The following PCDHGA3 variants were observed in gnomAD, a reference collection of about 807,000 sequenced individuals.
PCDHGA3 encodes the protein protocadherin gamma subfamily A, 3, also known as protocadherin gamma-A3.
PCDHGA3 carries 40 observed loss-of-function variants against 58.5 expected under a neutral mutation model. That is an observed-to-expected ratio of 0.68 (90% CI 0.53 to 0.89). PCDHGA3 has a LOEUF of 0.89. PCDHGA3 is among the 40% of genes least tolerant of loss of function. The pLI, the probability that PCDHGA3 is intolerant of heterozygous loss-of-function variation, is 0.00. For missense variants in PCDHGA3, 1,223 were observed against 1,195.9 expected (o/e 1.02, Z -0.33); for synonymous variants, 530 against 525.7 (o/e 1.01, Z -0.11).
At chr5:141,409,047 G>T in intron 1 of PCDHGA3, 2 of 1,613,982 alleles carry the variant, frequency 1.2e-6, no homozygotes, top group Admixed American at 1.7e-5. Flanking sequence ...TACTACTTCC[G>T]AAGCACTGCC....
intron 1 of PCDHGA3, among the ~76,000 whole-genome samples, chr5:141,433,553 T>C (rs530467777): frequency 1.3e-5 from 2 of 151,614 alleles, no homozygotes; most frequent in African/African-American, 4.8e-5. Flanking sequence ...TATTCTTTTC[T>C]GGCTGGGCGC....
intron 2 of PCDHGA3, among the ~76,000 whole-genome samples, chr5:141,501,476 A>T (rs1274017343): frequency 3.3e-5 from 5 of 152,044 alleles, no homozygotes; most frequent in Admixed American, 3.3e-4. Context: ...ATCCTGGAAG[A>T]GTCCCTCATA....
intron 1 of PCDHGA3, chr5:141,430,668 C>T (rs538633559): frequency 1.6e-6 from 2 of 1,243,872 alleles, no homozygotes; most frequent in East Asian, 2.5e-5. Context: ...GGAGCTCTGA[C>T]TTCCCAACTG....
intron 1 of PCDHGA3, among the ~76,000 whole-genome samples, chr5:141,438,454 T>C (rs2097961593): frequency 6.6e-6 from 1 of 151,734 alleles, no homozygotes; most frequent in Admixed American, 6.6e-5. Flanking sequence ...AATACAATGC[T>C]TGAGTTCAAT....
chr5:141,365,757 C>A lies in PCDHGA3; in HGVS notation c.2424+19300C>A, dbSNP rs1331087585. The A allele has an allele frequency of 1.9e-6, 3 of 1,613,830 alleles. No individual in the cohort carries two copies. The East Asian group carries it at 6.7e-5, about 36-fold the overall frequency. ...GGTGTCTCTATCTTCTCTGTGACAG[C>A]CCATGACCCCGACAGCGGCGACAAC... On this transcript the variant is annotated intron_variant, in intron 1 of 3. Transcript: ENST00000253812.
At chr5:141,422,122 A>C in intron 1 of PCDHGA3, 1 of 1,601,714 alleles carries the variant, frequency 6.2e-7, no homozygotes, top group Non-Finnish European at 8.5e-7. Context: ...GGATTCACAA[A>C]CTGGAGAAGT....
intron 3 of PCDHGA3, among the ~76,000 whole-genome samples, chr5:141,509,068 G>A (rs1267011061): frequency 6.6e-6 from 1 of 152,144 alleles, no homozygotes; most frequent in Non-Finnish European, 1.5e-5. Flanking sequence ...TCTCAGCTCC[G>A]GGGATTTGCG....
Position 141,376,575 on chromosome 5 carries a change from C to T in PCDHGA3, c.2424+30118C>T, listed in dbSNP as rs149813666. ...CCCGCAACCCAACTAATCAGACAGG[C>T]TCATCAGCTAGATCGGCTGTTATAG... On this transcript the variant is annotated intron_variant, in intron 1 of 3. Transcript: ENST00000253812. 4.5e-5 allele frequency: 72 copies of T among 1,597,700 alleles called. No individual in the cohort carries two copies. The East Asian group carries it at 1.4e-3, about 32-fold the overall frequency.
chr5:141,371,924 G>C (rs762943415), intron 1 of PCDHGA3: 1 of 1,613,364 alleles, frequency 6.2e-7, no homozygotes, highest in Admixed American at 1.7e-5. Flanking sequence ...TGAGCGCGCG[G>C]AGCGGGGTGG....
chr5:141,365,958 G>A lies in PCDHGA3; in HGVS notation c.2424+19501G>A, dbSNP rs779781915. On this transcript the variant is annotated intron_variant, in intron 1 of 3. Transcript: ENST00000253812. ...AGCGACAGTGGGAACCCTCCACTTA[G>A]CAGCAACGTGTCGCTGAGCCTGTTT... The A allele has an allele frequency of 6.8e-6, 11 of 1,614,252 alleles. No homozygotes were observed. The East Asian group carries it at 2.0e-4, about 29-fold the overall frequency.
At chr5:141,501,602 A>T (rs766918685) in intron 2 of PCDHGA3, among the ~76,000 whole-genome samples, 1 of 152,026 alleles carries the variant, frequency 6.6e-6, no homozygotes. Flanking sequence ...TACCAGTTCC[A>T]GCTGTGTGAC....
chr5:141,494,782 C>T, intron 1 of PCDHGA3, 25 bp from the exon 2 acceptor site: 1 of 1,614,110 alleles, frequency 6.2e-7, no homozygotes. Context: ...GGTACTCAGC[C>T]CCTTTCCCTC....
At chr5:141,352,707 C>T (rs1209047181) in intron 1 of PCDHGA3, 3 of 1,542,998 alleles carry the variant, frequency 1.9e-6, no homozygotes, top group South Asian at 2.4e-5. Flanking sequence ...TTATATATGG[C>T]GGCCGGGCGC....
At chr5:141,367,766 A>T (rs1166226365) in intron 1 of PCDHGA3, 4 of 152,176 alleles carry the variant, frequency 2.6e-5, no homozygotes, top group Admixed American at 2.0e-4. Context: ...TGCACTCAAT[A>T]AATGTAAATA....
rs1554136305 is a variant in PCDHGA3, at chr5:141,450,006, CT to C, written c.2425-44783del. Reference sequence around the variant, plus strand: ...CACATTGCATTTAGTTGCCATGTCTCTTTTTTTTTTTTTTTTTTGAGACAGG... The same window carrying C: ...CACATTGCATTTAGTTGCCATGTCTCTTTTTTTTTTTTTTTTTGAGACAGG... On this transcript the variant is annotated intron_variant, in intron 1 of 3. Coordinates refer to ENST00000253812, the MANE Select transcript of PCDHGA3 (RefSeq NM_018916.4). Among the ~76,000 whole-genome samples, 140 of 132,944 alleles carry C rather than the reference CT, an allele frequency of 1.1e-3. 2 individuals are homozygous for C. In the Middle Eastern group the frequency reaches 0.016, roughly 15 times the overall value. 87.2% of individuals were successfully genotyped at this position (132,944 alleles called of 152,430 possible). A position where few individuals can be genotyped will look rare whatever the true frequency, so the allele number is the denominator to read the frequency against.
At chr5:141,408,932 A>C in intron 1 of PCDHGA3, 1 of 1,613,594 alleles carries the variant, frequency 6.2e-7, no homozygotes, top group South Asian at 1.1e-5. Context: ...GGTTTTCAGC[A>C]GAGACGAATA....
At chr5:141,428,312 C>A in intron 1 of PCDHGA3, 1 of 671,484 alleles carries the variant, frequency 1.5e-6, no homozygotes, top group Non-Finnish European at 2.7e-6. Flanking sequence ...CTGGTCGTGG[C>A]CTTGGCCTTG....
chr5:141,384,922 C>A (rs760972840), intron 1 of PCDHGA3: 1 of 1,614,018 alleles, frequency 6.2e-7, no homozygotes, highest in African/African-American at 1.3e-5. Context: ...CTTGGCCGAC[C>A]TGGGCAGCCT....
At chr5:141,437,011 T>C (rs2097858173) in intron 1 of PCDHGA3, among the ~76,000 whole-genome samples, 1 of 152,236 alleles carries the variant, frequency 6.6e-6, no homozygotes, top group Non-Finnish European at 1.5e-5. Flanking sequence ...GGATCTTAGA[T>C]AATTTCACCA....
Sources: allele counts gnomAD v4.1 joint callset (sites outside exome capture counted in the v4.1 genomes callset), GRCh38; gene constraint gnomAD v4.1.1; transcripts MANE v1.5; gene names NCBI Gene and HGNC (gene_info 2026-07-23, HGNC 2026-07-21).